SYNE2: variants seen among roughly 807,000 people sequenced by gnomAD.
The protein encoded by SYNE2 is spectrin repeat containing nuclear envelope protein 2.
In SYNE2, 431 loss-of-function variants were observed where a neutral mutation model predicts 856.3. The observed-to-expected ratio is 0.50, with a 90% CI of 0.47 to 0.55. The LOEUF is 0.55. Ranked by LOEUF, SYNE2 falls within the 20% of genes least tolerant of loss-of-function variation. SYNE2 has a pLI of 0.00. For synonymous variants in SYNE2, 2,923 were observed against 2,872.3 expected, an observed-to-expected ratio of 1.02 and a Z score of -0.56; for missense variants, 8,129 against 8,023.2, an observed-to-expected ratio of 1.01 and a Z score of -0.50.
intron 111 of SYNE2, 24 bp downstream of exon 111, chr14:64,220,661 T>A: frequency 1.2e-6 from 2 of 1,612,020 alleles, no homozygotes; most frequent in Non-Finnish European, 1.7e-6. Flanking sequence ...GCAGCCCGCC[T>A]CCCAGAGCCG....
chr14:63,873,173 T>C (rs1298249386), intron 1 of SYNE2, among the ~76,000 whole-genome samples: 1 of 152,250 alleles, frequency 6.6e-6, no homozygotes, highest in Non-Finnish European at 1.5e-5. Flanking sequence ...TAGCTACTCA[T>C]ATTTGAAAAT....
intron 2 of SYNE2, among the ~76,000 whole-genome samples, chr14:63,929,205 C>G (rs1351372020): frequency 6.6e-6 from 1 of 151,930 alleles, no homozygotes; most frequent in African/African-American, 2.4e-5. Flanking sequence ...GGAACTCTTC[C>G]CACCTCCATC....
At chr14:63,783,340 T>C (rs1017611187) in intron 1 of SYNE2, among the ~76,000 whole-genome samples, 3 of 152,064 alleles carry the variant, frequency 2.0e-5, no homozygotes, top group Non-Finnish European at 4.4e-5. Context: ...AAACTGTGAG[T>C]CAATCCCTTT....
chr14:64,081,323 G>T, intron 56 of SYNE2, 120 bp from the exon 57 acceptor site: 1 of 1,231,016 alleles, frequency 8.1e-7, no homozygotes. Context: ...CAGCCATGGG[G>T]AGCAGACATC....
At chr14:63,968,959 CATT>C (rs1016012207) in intron 11 of SYNE2, among the ~76,000 whole-genome samples, 6 of 152,082 alleles carry the variant, frequency 3.9e-5, no homozygotes, top group African/African-American at 1.4e-4. Context: ...TTTTTGTACC[CATT>C]AACCATCTCC....
intron 45 of SYNE2, among the ~76,000 whole-genome samples, chr14:64,037,965 C>T (rs528458885): frequency 2.1e-4 from 32 of 151,906 alleles, no homozygotes; most frequent in South Asian, 6.2e-4. Context: ...CCCTCCCGGA[C>T]GGGGCGGCTG....
chr14:64,025,502 GCTT>G, intron 41 of SYNE2, 81 bp downstream of exon 41: 6 of 1,348,126 alleles, frequency 4.5e-6, no homozygotes, highest in Non-Finnish European at 6.2e-6. Flanking sequence ...GTAAAGATGT[GCTT>G]CTTAATGGAA....
At chr14:64,105,194 TG>T (rs1418452511) in intron 64 of SYNE2, among the ~76,000 whole-genome samples, 1 of 152,112 alleles carries the variant, frequency 6.6e-6, no homozygotes, top group East Asian at 1.9e-4. Flanking sequence ...AGTCTCCAAT[TG>T]TTTTTCCTAA....
rs145219347 is a variant in SYNE2 at position 63,914,979 on chromosome 14, T to C, written c.79+5752T>C. 2.0e-5 allele frequency among the ~76,000 whole-genome samples: 3 copies of C among 152,290 alleles called. No homozygotes were observed. In the East Asian group the frequency reaches 5.8e-4, roughly 29 times the overall value. On this transcript the variant is annotated intron_variant, in intron 2 of 115. Coordinates refer to ENST00000555002, the MANE Select transcript of SYNE2 (RefSeq NM_182914.3). Reference sequence around the variant, plus strand: ...TTTTAGTAGAGATGGGGTTTTGCCATGTTGCCCAGGCTTGTCTCAAAACTC... The same window carrying C: ...TTTTAGTAGAGATGGGGTTTTGCCACGTTGCCCAGGCTTGTCTCAAAACTC...
In SYNE2 at chr14:64,152,602, A is replaced by G. The variant is rs780753468; in HGVS notation, c.15678A>G (p.Leu5226=). The change falls in exon 85 of 116, where the codon CTA becomes CTG. Residue 5226 remains leucine (L), a synonymous_variant. Coordinates refer to ENST00000555002, the MANE Select transcript of SYNE2 (RefSeq NM_182914.3). ...ENQLAIKSKA[L]DELKQSYLTL... is the part of the protein sequence containing the mutation. Reference sequence around the variant, plus strand: ...AACTTGCAATTAAATCCAAAGCACTAGATGAGTTGAAACAAAGTTATCTGA... The same window carrying G: ...AACTTGCAATTAAATCCAAAGCACTGGATGAGTTGAAACAAAGTTATCTGA... 1.9e-6 allele frequency: 3 copies of G among 1,614,148 alleles called. No individual in the cohort carries two copies. The highest frequency in any genetic ancestry group is 2.5e-6 in the Non-Finnish European group (3 of 1,179,994).
At chr14:63,929,553 C>T (rs2095716629) in intron 2 of SYNE2, among the ~76,000 whole-genome samples, 1 of 152,022 alleles carries the variant, frequency 6.6e-6, no homozygotes, top group African/African-American at 2.4e-5. Flanking sequence ...GGTGGATCAC[C>T]TGAGGTCAGG....
intron 1 of SYNE2, among the ~76,000 whole-genome samples, chr14:63,841,401 G>A (rs371545360): frequency 6.6e-6 from 1 of 152,174 alleles, no homozygotes; most frequent in Non-Finnish European, 1.5e-5. Flanking sequence ...CCCTTCTTCC[G>A]CCTTCCATTC....
At chr14:63,984,981 C>T (rs1481654718) in intron 18 of SYNE2, among the ~76,000 whole-genome samples, 1 of 152,070 alleles carries the variant, frequency 6.6e-6, no homozygotes, top group Non-Finnish European at 1.5e-5. Flanking sequence ...CGTAGTGAAA[C>T]CCTATCTCTA....
At chr14:63,829,068 A>T (rs1038345580) in intron 1 of SYNE2, among the ~76,000 whole-genome samples, 2 of 152,188 alleles carry the variant, frequency 1.3e-5, no homozygotes, top group Non-Finnish European at 2.9e-5. Context: ...TGTAGAAATT[A>T]GAACCCTCAT....
rs147718708 is a variant in SYNE2 at position 63,815,616 on chromosome 14, C to G, written c.-304-36885C>G. ...GGATCAATACTTTGCATCCTTCAATCCAATCAAGTTGACACTCAGTATTAA... is the reference window on the plus strand; with the variant it reads ...GGATCAATACTTTGCATCCTTCAATGCAATCAAGTTGACACTCAGTATTAA... On this transcript the variant is annotated intron_variant, in intron 1 of 23. Coordinates refer to the SYNE2 transcript ENST00000674003. 4.1e-3 allele frequency among the ~76,000 whole-genome samples: 622 copies of G among 152,168 alleles called. 8 individuals carry two copies. The highest frequency in any genetic ancestry group is 0.014 in the African/African-American group (584 of 41,518).
At chr14:64,111,424 A>T (rs925060304) in intron 65 of SYNE2, among the ~76,000 whole-genome samples, 2 of 152,162 alleles carry the variant, frequency 1.3e-5, no homozygotes, top group African/African-American at 4.8e-5. Context: ...ATATCTGAAA[A>T]CTAGAAGGGA....
intron 94 of SYNE2, chr14:64,173,814 C>T (rs1395480554): frequency 5.3e-6 from 3 of 562,818 alleles, no homozygotes; most frequent in Non-Finnish European, 6.2e-6. Context: ...TCCTCTAAAA[C>T]CAAATGCCTT....
intron 65 of SYNE2, among the ~76,000 whole-genome samples, chr14:64,110,654 T>TTTGGGGCTA (rs1464717276): frequency 7.2e-6 from 1 of 138,124 alleles, no homozygotes; most frequent in Non-Finnish European, 1.5e-5. Context: ...GCTTTTAGAA[T>TTTGGGGCTA]TTGGGGCTAT....
chr14:64,076,091 A>G lies in SYNE2; in HGVS notation c.11013A>G (p.Ile3671Met), dbSNP rs773296989. ...AATGCAGAAAAGCTTTAGAAGACAT[A>G]GATGAGAAGGTAATAATAATGTCTG... Reference protein sequence around the residue: ...VEECRKALEDIDEKISNEVLK... With the variant: ...VEECRKALEDMDEKISNEVLK... The change falls in exon 54 of 116, where the codon ATA becomes ATG. Residue 3671 changes from isoleucine to methionine, a missense_variant. Ile to Met is a conservative substitution (Grantham distance 10). Coordinates refer to ENST00000555002, the MANE Select transcript of SYNE2 (RefSeq NM_182914.3). The G allele has an allele frequency of 3.2e-5, 52 of 1,613,608 alleles. No homozygotes were observed. The highest frequency in any genetic ancestry group is 3.9e-5 in the Non-Finnish European group (46 of 1,179,678).
Sources: allele counts gnomAD v4.1 joint callset (sites outside exome capture counted in the v4.1 genomes callset), GRCh38; gene constraint gnomAD v4.1.1; transcripts MANE v1.5; gene names NCBI Gene and HGNC (gene_info 2026-07-23, HGNC 2026-07-21).